Variants in SORBS2 observed in about 807,000 individuals in gnomAD.
SORBS2 encodes sorbin and SH3 domain-containing protein 2.
A neutral mutation model predicts 97.7 loss-of-function variants in SORBS2; 46 were observed. The ratio of observed to expected loss-of-function variants is 0.47; its 90% CI spans 0.37 to 0.60. The LOEUF (loss-of-function observed/expected upper bound fraction) is 0.60, where lower values mean the gene tolerates loss of function less well. Among genes scored for constraint, SORBS2 ranks in the 20% least tolerant of loss-of-function variants. SORBS2 has a pLI of 0.00. For missense variants in SORBS2, 1,316 were observed against 1,282.3 expected, an observed-to-expected ratio of 1.03 and a Z score of -0.40; for synonymous variants, 476 against 473.4, an observed-to-expected ratio of 1.01 and a Z score of -0.07.
intron 2 of SORBS2, among the ~76,000 whole-genome samples, chr4:185,708,274 A>G (rs1228343427): frequency 1.3e-5 from 2 of 152,352 alleles, no homozygotes; most frequent in South Asian, 2.1e-4. Context: ...TTAAGTTAAT[A>G]TCTGTCACTA....
chr4:185,923,217 C>A (rs1182620071), intron 1 of SORBS2, among the ~76,000 whole-genome samples: 1 of 152,154 alleles, frequency 6.6e-6, no homozygotes, highest in Non-Finnish European at 1.5e-5. Flanking sequence ...TTGTGGTCAA[C>A]CTTGGATCTA....
intron 2 of SORBS2, among the ~76,000 whole-genome samples, chr4:185,694,139 G>C: frequency 6.6e-6 from 1 of 152,232 alleles, no homozygotes; most frequent in Non-Finnish European, 1.5e-5. Flanking sequence ...TTTGTGCTAA[G>C]TCCATTAACA....
At chr4:185,636,586 C>T (rs765755593) in intron 4 of SORBS2, among the ~76,000 whole-genome samples, 1 of 151,834 alleles carries the variant, frequency 6.6e-6, no homozygotes, top group African/African-American at 2.4e-5. Context: ...ACATCAAATG[C>T]ACTGCTGTTG....
At chr4:185,631,534 G>C (rs1490207150) in intron 4 of SORBS2, among the ~76,000 whole-genome samples, 2 of 152,116 alleles carry the variant, frequency 1.3e-5, no homozygotes, top group African/African-American at 2.4e-5. Flanking sequence ...AGGCCAACGC[G>C]GGTGGATCAC....
At chr4:185,950,557 C>T (rs563820230) in intron 1 of SORBS2, among the ~76,000 whole-genome samples, 1 of 152,276 alleles carries the variant, frequency 6.6e-6, no homozygotes, top group East Asian at 1.9e-4. Flanking sequence ...AAATATTTCC[C>T]TAGAATTCAG....
chr4:185,806,491 T>A (rs2099155607), intron 1 of SORBS2, among the ~76,000 whole-genome samples: 1 of 121,770 alleles, frequency 8.2e-6, no homozygotes, highest in Non-Finnish European at 1.6e-5. Context: ...GGAGTCTCGC[T>A]CTGTCGCCCA....
intron 4 of SORBS2, among the ~76,000 whole-genome samples, chr4:185,669,807 A>G (rs761005330): frequency 4.3e-4 from 65 of 152,256 alleles, no homozygotes; most frequent in Admixed American, 1.6e-3. Context: ...CATCAATAAT[A>G]TTTTCAAAAT....
At chr4:185,892,890 G>A (rs1361653471) in intron 1 of SORBS2, among the ~76,000 whole-genome samples, 1 of 152,104 alleles carries the variant, frequency 6.6e-6, no homozygotes, top group Non-Finnish European at 1.5e-5. Flanking sequence ...CCTTATGGCT[G>A]TACACTTAAA....
At chr4:185,781,125 A>C (rs2099026637) in intron 1 of SORBS2, among the ~76,000 whole-genome samples, 1 of 151,826 alleles carries the variant, frequency 6.6e-6, no homozygotes, top group Non-Finnish European at 1.5e-5. Flanking sequence ...TTTAGTAGAG[A>C]CGGGTTTCAC....
At chr4:185,858,865 G>C (rs1026095488) in intron 1 of SORBS2, among the ~76,000 whole-genome samples, 5 of 152,136 alleles carry the variant, frequency 3.3e-5, no homozygotes, top group African/African-American at 1.2e-4. Flanking sequence ...TGCAGTAAAA[G>C]CAAAATCAGG....
In SORBS2 at chr4:185,606,071, CTTTG is replaced by C. The variant is rs2096411288; in HGVS notation, c.2796+5705_2796+5708del. The C allele has an allele frequency of 2.0e-6, 2 of 984,606 alleles. No homozygotes were observed. Among genetic ancestry groups the C allele is most frequent in the South Asian group, 4.7e-5 (1 of 21,264 alleles). 61.0% of individuals were successfully genotyped at this position (984,606 alleles called of 1,614,324 possible). ...AAGTGCTGTTTTTCTTTTCTGTTGT[CTTTG>C]TTTATTATTAGCATTATTATTTTTG... On this transcript the variant is annotated intron_variant, in intron 12 of 14. Transcript: ENST00000418609. This position sits in a 1 kb window ranked among gnomAD's most constrained non-coding sequence, Gnocchi z 4.3.
At chr4:185,633,905 T>A (rs1228649326) in intron 4 of SORBS2, among the ~76,000 whole-genome samples, 1 of 152,180 alleles carries the variant, frequency 6.6e-6, no homozygotes, top group Non-Finnish European at 1.5e-5. Flanking sequence ...GAAAAATATC[T>A]GACCACATTG....
At chr4:185,593,042 C>G (rs977578609) in intron 13 of SORBS2, 2 of 152,240 alleles carry the variant, frequency 1.3e-5, no homozygotes, top group Non-Finnish European at 2.9e-5. Context: ...CAGGACCTGC[C>G]GCAAGGAGGA....
At chr4:185,622,816 C>T in intron 7 of SORBS2, 98 bp downstream of exon 19, 1 of 1,265,322 alleles carries the variant, frequency 7.9e-7, no homozygotes, top group South Asian at 1.5e-5. Flanking sequence ...GCCAAATGGT[C>T]TCCCAGCTCG....
At chr4:185,904,633 A>C (rs73021808) in intron 1 of SORBS2, among the ~76,000 whole-genome samples, 161 of 152,346 alleles carry the variant, frequency 1.1e-3, no homozygotes, top group African/African-American at 3.8e-3. Flanking sequence ...GCAACTTATA[A>C]ACATCAAGGG....
intron 1 of SORBS2, among the ~76,000 whole-genome samples, chr4:185,825,920 G>T (rs914587543): frequency 6.6e-6 from 1 of 152,116 alleles, no homozygotes; most frequent in Admixed American, 6.5e-5. Context: ...CTCACTCGGT[G>T]GCTATAGACT....
At chr4:185,637,896 G>A (rs557806463) in intron 4 of SORBS2, among the ~76,000 whole-genome samples, 183 bp downstream of exon 15, 11 of 152,214 alleles carry the variant, frequency 7.2e-5, no homozygotes, top group African/African-American at 2.6e-4. Context: ...CATAGGAAAT[G>A]TCTGAGCACA....
At chr4:185,703,990 T>G (rs947124435) in intron 2 of SORBS2, among the ~76,000 whole-genome samples, 4 of 152,238 alleles carry the variant, frequency 2.6e-5, no homozygotes, top group Non-Finnish European at 5.9e-5. Context: ...CCTAGTTTAA[T>G]GAATACATAA....
rs200642160 is a variant in SORBS2, at chr4:185,623,724, C to A, written c.1405G>T (p.Ala469Ser). The A allele has an allele frequency of 2.6e-5, 42 of 1,613,640 alleles. No homozygotes were observed. The highest frequency in any genetic ancestry group is 4.5e-5 in the East Asian group (2 of 44,850). The change falls in exon 7 of 15, where the codon GCT becomes TCT. Residue 469 changes from alanine (A) to serine (S), a missense_variant. Coordinates refer to ENST00000418609, the Ensembl canonical transcript of SORBS2. This position sits in a 1 kb window ranked among gnomAD's most constrained non-coding sequence, Gnocchi z 6.4. ...GACTGGCAGCCTCGCCGGCCCCGAG[C>A]GGGGGGGCCGCTTTGATTTTCTTCC... is the stretch of plus-strand genomic sequence containing the variant.
Sources: allele counts gnomAD v4.1 joint callset (sites outside exome capture counted in the v4.1 genomes callset), GRCh38; gene constraint gnomAD v4.1.1; non-coding constraint Gnocchi (gnomAD v3.1); transcripts MANE v1.5; gene names NCBI Gene and HGNC (gene_info 2026-07-23, HGNC 2026-07-21).